Variants in NKAIN3 observed in about 807,000 individuals in gnomAD.
NKAIN3 encodes sodium/potassium transporting ATPase interacting 3.
In NKAIN3, 25 loss-of-function variants were observed where a neutral mutation model predicts 30.2. The ratio of observed to expected loss-of-function variants is 0.83; its 90% CI spans 0.60 to 1.16. The LOEUF is 1.16. Ranked by LOEUF, NKAIN3 falls within the 50% of genes most tolerant of loss-of-function variation. The pLI, the probability that NKAIN3 is intolerant of heterozygous loss-of-function variation, is 0.00. For missense variants in NKAIN3, 225 were observed against 254.1 expected, an observed-to-expected ratio of 0.89 and a Z score of 0.78; for synonymous variants, 91 against 89.6, an observed-to-expected ratio of 1.02 and a Z score of -0.09.
Position 62,953,912 on chromosome 8 carries a change from A to G in NKAIN3, c.543A>G (p.Ile181Met), listed in dbSNP as rs993630826. 8 of 973,264 alleles carry G rather than the reference A, an allele frequency of 8.2e-6. No homozygotes were observed. The highest frequency in any genetic ancestry group is 9.5e-5 in the South Asian group (2 of 21,062). The allele number at this position is 973,264 out of a possible 1,614,324, so 60.3% of individuals were successfully genotyped here. Residue 181 changes from isoleucine to methionine, a missense_variant, in exon 6 of 7, where the codon ATA (isoleucine) becomes ATG (methionine). Coordinates refer to ENST00000623646, the MANE Select transcript of NKAIN3 (RefSeq NM_001304533.3). Reference protein sequence around the residue: ...SMEEEDTFDFIGGLDTHSYYQ... With the variant: ...SMEEEDTFDFMGGLDTHSYYQ... ...ATGTTATATTTTCAGTTGATTTCAT[A>G]GGTGGACTTGATACACACTCCTACT...
intron 2 of NKAIN3, among the ~76,000 whole-genome samples, chr8:62,581,110 T>TATAAGATAAAATAAA (rs1810277759): frequency 8.7e-6 from 1 of 114,342 alleles, no homozygotes; most frequent in African/African-American, 3.7e-5. Flanking sequence ...CTCAAAAAAA[T>TATAAGATAAAATAAA]ATAAAATAAA....
chr8:62,260,796 AC>A (rs1169702109), intron 1 of NKAIN3, among the ~76,000 whole-genome samples: 5 of 152,168 alleles, frequency 3.3e-5, no homozygotes, highest in Non-Finnish European at 7.4e-5. Context: ...TATATTAAAA[AC>A]AAAAGTATAC....
intron 1 of NKAIN3, among the ~76,000 whole-genome samples, chr8:62,558,277 T>G (rs544791883): frequency 6.6e-6 from 1 of 152,276 alleles, no homozygotes; most frequent in African/African-American, 2.4e-5. Flanking sequence ...GTGCCTGTTT[T>G]TATACCACTA....
intron 1 of NKAIN3, among the ~76,000 whole-genome samples, chr8:62,491,975 A>G (rs534054358): frequency 6.6e-6 from 1 of 152,264 alleles, no homozygotes; most frequent in East Asian, 1.9e-4. Flanking sequence ...AAGTCAAGAA[A>G]AATGGGAACT....
chr8:62,643,237 A>G (rs1372468406), intron 3 of NKAIN3, among the ~76,000 whole-genome samples: 2 of 152,158 alleles, frequency 1.3e-5, no homozygotes, highest in Non-Finnish European at 2.9e-5. Flanking sequence ...TGACTTTACA[A>G]ATTTAATGTG....
intron 3 of NKAIN3, among the ~76,000 whole-genome samples, chr8:62,720,404 TG>T (rs1815050693): frequency 1.3e-5 from 2 of 152,318 alleles, no homozygotes; most frequent in South Asian, 4.1e-4. Context: ...TTCATGGTCA[TG>T]AGTAAAATAA....
At chr8:62,781,030 A>G (rs1817339544) in intron 4 of NKAIN3, among the ~76,000 whole-genome samples, 1 of 152,032 alleles carries the variant, frequency 6.6e-6, no homozygotes, top group Non-Finnish European at 1.5e-5. Flanking sequence ...TTATATTTAG[A>G]AAAACCAAGA....
intron 1 of NKAIN3, among the ~76,000 whole-genome samples, chr8:62,426,160 T>C (rs1408617990): frequency 1.3e-5 from 2 of 151,954 alleles, no homozygotes. Flanking sequence ...ATTAAAAATC[T>C]TGGCATTGAG....
chr8:62,511,053 A>G (rs910342267), intron 1 of NKAIN3, among the ~76,000 whole-genome samples: 2 of 151,944 alleles, frequency 1.3e-5, no homozygotes, highest in African/African-American at 4.8e-5. Context: ...TTGCTCTCAA[A>G]CCTCCAGCAC....
chr8:62,812,969 T>C (rs908090834), intron 4 of NKAIN3, among the ~76,000 whole-genome samples: 5 of 151,962 alleles, frequency 3.3e-5, no homozygotes, highest in African/African-American at 1.2e-4. Context: ...ACAGGTACTT[T>C]CCTCTAGGTT....
chr8:62,455,984 A>C (rs539680076), intron 1 of NKAIN3, among the ~76,000 whole-genome samples: 1 of 152,198 alleles, frequency 6.6e-6, no homozygotes, highest in Non-Finnish European at 1.5e-5. Flanking sequence ...TGGAAAACGG[A>C]TAAGTGGTCT....
intron 1 of NKAIN3, among the ~76,000 whole-genome samples, chr8:62,297,677 G>T (rs1813881867): frequency 6.6e-6 from 1 of 151,746 alleles, no homozygotes; most frequent in Non-Finnish European, 1.5e-5. Flanking sequence ...GAAACAACAG[G>T]TGCTGGAGAG....
chr8:62,738,739 T>C (rs111359294), intron 3 of NKAIN3, among the ~76,000 whole-genome samples: 2,634 of 152,290 alleles, frequency 0.017, 56 homozygotes, highest in African/African-American at 0.054. Context: ...CTTTGTCAGA[T>C]TGATAAATTG....
intron 3 of NKAIN3, among the ~76,000 whole-genome samples, chr8:62,600,402 C>G (rs1172942154): frequency 6.6e-6 from 1 of 151,968 alleles, no homozygotes; most frequent in Non-Finnish European, 1.5e-5. Flanking sequence ...TTACTGGTTT[C>G]CTACACAGCA....
intron 2 of NKAIN3, among the ~76,000 whole-genome samples, chr8:62,589,391 C>T (rs1480667256): frequency 6.6e-6 from 1 of 151,688 alleles, no homozygotes; most frequent in African/African-American, 2.4e-5. Context: ...AGAAGATTTG[C>T]ATAGTTGTGT....
intron 3 of NKAIN3, 139 bp downstream of exon 3, chr8:62,589,933 C>G (rs1193994287): frequency 1.1e-5 from 5 of 462,054 alleles, no homozygotes; most frequent in Admixed American, 3.7e-5. Flanking sequence ...TGATAAAATA[C>G]TATTCAAAGA....
chr8:62,382,048 C>G (rs754560754), intron 1 of NKAIN3, among the ~76,000 whole-genome samples: 8 of 152,026 alleles, frequency 5.3e-5, no homozygotes, highest in Non-Finnish European at 1.2e-4. Flanking sequence ...TTGAGCAACC[C>G]AGGGATTAGG....
intron 3 of NKAIN3, among the ~76,000 whole-genome samples, chr8:62,616,343 A>G (rs1257539148): frequency 6.6e-6 from 1 of 152,100 alleles, no homozygotes; most frequent in African/African-American, 2.4e-5. Context: ...CTAAAAATTC[A>G]GGGGTTCTCT....
At chr8:62,961,804 C>T (rs550203524) in intron 6 of NKAIN3, among the ~76,000 whole-genome samples, 1 of 152,166 alleles carries the variant, frequency 6.6e-6, no homozygotes, top group South Asian at 2.1e-4. Flanking sequence ...AATGGAATAG[C>T]ACAAATGAGT....
Sources: gnomAD v4.1 joint callset for allele counts (sites outside exome capture counted in the v4.1 genomes callset) on GRCh38, gnomAD v4.1.1 for gene constraint, MANE v1.5 for transcripts, NCBI Gene and HGNC (gene_info 2026-07-23, HGNC 2026-07-21) for gene names.